Variants in URB2 observed in about 807,000 individuals in gnomAD.
URB2 encodes URB2 ribosome biogenesis homolog.
A neutral mutation model predicts 120.9 loss-of-function variants in URB2; 86 were observed. The ratio of observed to expected loss-of-function variants is 0.71; its 90% confidence interval spans 0.60 to 0.85. The LOEUF is 0.85. URB2 is among the 40% of genes least tolerant of loss of function. The pLI, the probability that URB2 is intolerant of heterozygous loss-of-function variation, is 0.00. For synonymous variants in URB2, 755 were observed against 758.4 expected, an observed-to-expected ratio of 1.00 and a Z score of 0.07; for missense variants, 1,765 against 1,836.5, an observed-to-expected ratio of 0.96 and a Z score of 0.71.
rs769368153 is a variant in URB2, at chr1:229,645,838, GT to G, written c.3796-15del. ...GAGAACACGCTATCTCTGCCGCTAA[GT>G]TTTTTCTCTCTTGCCCCAGGCTGTT... On this transcript the variant is annotated intron_variant, in intron 5 of 9. Coordinates refer to ENST00000258243, the MANE Select transcript of URB2 (RefSeq NM_014777.4). 3.7e-6 allele frequency: 6 copies of G among 1,610,592 alleles called. No homozygotes were observed. The highest frequency in any genetic ancestry group is 5.1e-6 in the Non-Finnish European group (6 of 1,177,104).
chr1:229,640,413 T>A (rs1176941420), intron 4 of URB2, among the ~76,000 whole-genome samples: 2 of 152,354 alleles, frequency 1.3e-5, no homozygotes, highest in South Asian at 4.1e-4. Context: ...TGTTTCAAGA[T>A]GGCACACATC....
chr1:229,642,114 G>C (rs1392046748), intron 4 of URB2, among the ~76,000 whole-genome samples: 1 of 152,152 alleles, frequency 6.6e-6, no homozygotes, highest in African/African-American at 2.4e-5. Flanking sequence ...TAAGTAAACA[G>C]ACATTCGCAC....
chr1:229,659,127 C>G lies in URB2; in HGVS notation c.4405C>G (p.Leu1469Val). 1 of 1,612,216 alleles carries G rather than the reference C, an allele frequency of 6.2e-7. No individual in the cohort carries two copies. The highest frequency in any genetic ancestry group is 8.5e-7 in the Non-Finnish European group (1 of 1,179,898). The change falls in exon 10 of 10, where the codon CTG becomes GTG. Residue 1469 changes from leucine to valine, a missense_variant. Transcript: ENST00000258243. ...GACCTTATATCCAGCTGTGAAAAGT[C>G]TGCTGCAGGAGGGCATTTACCTCAT... Reference protein sequence around the residue: ...KVTLYPAVKSLLQEGIYLILD... With the variant: ...KVTLYPAVKSVLQEGIYLILD...
At chr1:229,656,753 A>G (rs1397789609) in intron 9 of URB2, among the ~76,000 whole-genome samples, 11 of 152,206 alleles carry the variant, frequency 7.2e-5, no homozygotes, top group Admixed American at 7.2e-4. Context: ...GCAGCTCCAG[A>G]GGCCCGCTTG....
chr1:229,649,735 A>G (rs1666225155), intron 7 of URB2, among the ~76,000 whole-genome samples: 1 of 152,222 alleles, frequency 6.6e-6, no homozygotes, highest in South Asian at 2.1e-4. Flanking sequence ...CAGCACAGCC[A>G]GCATACCCAG....
At chr1:229,650,795 T>C (rs1382141816) in intron 7 of URB2, 1 of 152,130 alleles carries the variant, frequency 6.6e-6, no homozygotes. Context: ...TTGAGAGGTT[T>C]TGGTCCCTAT....
chr1:229,653,936 G>GTTTTTTTTTTTTT (rs760894683), intron 8 of URB2, among the ~76,000 whole-genome samples: 1 of 60,552 alleles, frequency 1.7e-5, no homozygotes, highest in East Asian at 5.8e-4. Context: ...CCATCTTGGT[G>GTTTTTTTTTTTTT]TTTTTTTTTT....
intron 4 of URB2, among the ~76,000 whole-genome samples, chr1:229,641,858 C>T (rs981060760): frequency 6.6e-6 from 1 of 151,974 alleles, no homozygotes; most frequent in South Asian, 2.1e-4. Context: ...CCCATCTCTA[C>T]AAAAAGCCGG....
chr1:229,631,330 A>C (rs531211807), intron 2 of URB2, among the ~76,000 whole-genome samples: 1 of 152,356 alleles, frequency 6.6e-6, no homozygotes, highest in African/African-American at 2.4e-5. Flanking sequence ...AACTTTCTCC[A>C]TATCAGCAAT....
intron 1 of URB2, among the ~76,000 whole-genome samples, chr1:229,626,751 A>C (rs1665494482): frequency 6.6e-6 from 1 of 152,140 alleles, no homozygotes; most frequent in Non-Finnish European, 1.5e-5. Context: ...AGTTCAGCAA[A>C]CACCTGTTAT....
chr1:229,650,649 T>A (rs1225582377), intron 7 of URB2, among the ~76,000 whole-genome samples: 1 of 152,150 alleles, frequency 6.6e-6, no homozygotes, highest in Non-Finnish European at 1.5e-5. Flanking sequence ...CAGGCTGGTC[T>A]CCAACTCCTG....
chr1:229,640,308 G>A (rs1298066156), intron 4 of URB2, among the ~76,000 whole-genome samples: 1 of 152,224 alleles, frequency 6.6e-6, no homozygotes, highest in African/African-American at 2.4e-5. Context: ...TTCCTCTACA[G>A]TGAAGGATGA....
rs753095077 is a variant in URB2 at position 229,635,495 on chromosome 1, C to G, written c.882C>G (p.Ser294=). 1.1e-5 allele frequency: 18 copies of G among 1,613,602 alleles called. No individual in the cohort carries two copies. The African/African-American group carries it at 1.9e-4, about 17-fold the overall frequency. Residue 294 remains serine (S), a synonymous_variant, in exon 4 of 10, where the codon TCC becomes TCG. Transcript: ENST00000258243. ...TTGATGCTGGCTACTGTGCAGCATC[C>G]CTTCATACCTCTGTTGTGGCCAACT... ...RLVDAGYCAA[S]LHTSVVANSV...
chr1:229,640,476 G>C (rs1665977893), intron 4 of URB2, among the ~76,000 whole-genome samples: 1 of 152,098 alleles, frequency 6.6e-6, no homozygotes, highest in Non-Finnish European at 1.5e-5. Context: ...AAAGGGCTGG[G>C]GTCAGGTCAG....
intron 4 of URB2, among the ~76,000 whole-genome samples, chr1:229,641,011 T>C (rs1012036481): frequency 7.8e-5 from 11 of 141,682 alleles, no homozygotes; most frequent in Non-Finnish European, 1.2e-4. Context: ...GGCAATCTCT[T>C]TTTTTTTTTT....
rs150547675 is a variant in URB2, at chr1:229,647,615, G to A, written c.4012G>A (p.Gly1338Ser). The A allele has an allele frequency of 3.2e-4, 519 of 1,614,128 alleles. No homozygotes were observed. Among genetic ancestry groups the A allele is most frequent in the Admixed American group, 4.7e-4 (28 of 60,018 alleles). ...ALLRQGEEAIGNPHHVSLAFS... is the reference protein window; with the variant it reads ...ALLRQGEEAISNPHHVSLAFS... ...GCTGCGGCAGGGGGAGGAGGCCATC[G>A]GCAACCCCCACCACGTCAGCCTGGC... The change falls in exon 7 of 10, where the codon GGC (glycine) becomes AGC (serine). Residue 1338 changes from glycine to serine, a missense_variant. Gly to Ser is a moderately conservative substitution (Grantham distance 56). Transcript: ENST00000258243.
rs1923145 is a variant in URB2, at chr1:229,630,781, C to T, written c.127-1488C>T. On this transcript the variant is annotated intron_variant, in intron 2 of 9. Coordinates refer to ENST00000258243, the MANE Select transcript of URB2 (RefSeq NM_014777.4). The stretch of plus-strand genomic sequence containing the variant: ...CGCAGGTGGATCACCTGAGGCCAGG[C>T]GTTCGAGACCAGTCTAGCCAACATG... Among the ~76,000 whole-genome samples the T allele has an allele frequency of 6.9e-4, 105 of 151,964 alleles. 1 individual carries two copies. In the East Asian group the frequency reaches 0.015, roughly 21 times the overall value.
At chr1:229,633,833 T>C (rs1360051344) in intron 3 of URB2, among the ~76,000 whole-genome samples, 3 of 152,238 alleles carry the variant, frequency 2.0e-5, no homozygotes, top group Non-Finnish European at 2.9e-5. Context: ...ACATTTGCTT[T>C]CCTTTTTAAA....
At chr1:229,631,955 A>G (rs1250702670) in intron 2 of URB2, among the ~76,000 whole-genome samples, 1 of 152,208 alleles carries the variant, frequency 6.6e-6, no homozygotes, top group Non-Finnish European at 1.5e-5. Flanking sequence ...TGTATCTACA[A>G]GGCACAATAA....
Sources: gnomAD v4.1 joint callset for allele counts (sites outside exome capture counted in the v4.1 genomes callset) on GRCh38, gnomAD v4.1.1 for gene constraint, MANE v1.5 for transcripts, NCBI Gene and HGNC (gene_info 2026-07-23, HGNC 2026-07-21) for gene names.